The following PLEKHA5 variants were observed in gnomAD, a reference collection of about 807,000 sequenced individuals.
PLEKHA5 encodes the protein pleckstrin homology domain-containing family A member 5.
A neutral mutation model predicts 181.9 loss-of-function variants in PLEKHA5; 55 were observed. The ratio of observed to expected loss-of-function variants is 0.30; its 90% CI spans 0.24 to 0.38. The LOEUF (loss-of-function observed/expected upper bound fraction) is 0.38, where lower values mean the gene tolerates loss of function less well. PLEKHA5 is among the 10% of genes least tolerant of loss of function. PLEKHA5 has a pLI of 1.00. For synonymous variants in PLEKHA5, 535 were observed against 529.4 expected (o/e 1.01, Z -0.15); for missense variants, 1,432 against 1,549.5 (o/e 0.92, Z 1.27).
chr12:19,145,489 T>TA (rs1364059080), intron 3 of PLEKHA5, among the ~76,000 whole-genome samples: 1 of 152,164 alleles, frequency 6.6e-6, no homozygotes, highest in Non-Finnish European at 1.5e-5. Flanking sequence ...CATACTTATA[T>TA]ATACATAAAT....
intron 3 of PLEKHA5, chr12:19,150,619 A>T (rs1415628868): frequency 3.3e-5 from 5 of 152,266 alleles, no homozygotes; most frequent in Non-Finnish European, 7.3e-5. Context: ...GAAATGCTCA[A>T]TAAATATCTG....
chr12:19,276,805 A>T (rs565920629), intron 11 of PLEKHA5, among the ~76,000 whole-genome samples: 1 of 152,232 alleles, frequency 6.6e-6, no homozygotes, highest in African/African-American at 2.4e-5. Context: ...GAGGTAATAC[A>T]TATGTTAATT....
rs2090211243 is a variant in PLEKHA5 at position 19,320,040 on chromosome 12, A to G, written c.2138A>G (p.Lys713Arg). ...LYQQFLRQKS[K>R]ISLYCLSQDE... ...TTTTAGTTCTTAAGACAGAAGAGCA[A>G]GATAAGTCTATATTGTGTATGTGTG... The change falls in exon 17 of 32, where the codon AAG becomes AGG. Residue 713 changes from lysine (K) to arginine (R), a missense_variant. Transcript: ENST00000429027. 1 of 1,259,716 alleles carries G rather than the reference A, an allele frequency of 7.9e-7. No individual in the cohort carries two copies. Among genetic ancestry groups the G allele is most frequent in the Non-Finnish European group, 1.1e-6 (1 of 909,198 alleles). 78.0% of individuals were successfully genotyped at this position (1,259,716 alleles called of 1,614,324 possible). A position where few individuals can be genotyped will look rare whatever the true frequency, so the allele number is the denominator to read the frequency against.
chr12:19,315,384 T>C (rs1029785997), intron 16 of PLEKHA5, among the ~76,000 whole-genome samples: 4 of 152,192 alleles, frequency 2.6e-5, no homozygotes, highest in East Asian at 3.9e-4. Context: ...AACTTAAAGA[T>C]AGCCACTTTT....
At chr12:19,349,913 C>T (rs1849084983) in intron 25 of PLEKHA5, among the ~76,000 whole-genome samples, 1 of 152,028 alleles carries the variant, frequency 6.6e-6, no homozygotes, top group Non-Finnish European at 1.5e-5. Flanking sequence ...GAGGTGGAGA[C>T]CATCCTGGCT....
chr12:19,195,657 A>G (rs2052509862), intron 3 of PLEKHA5, among the ~76,000 whole-genome samples: 1 of 133,170 alleles, frequency 7.5e-6, no homozygotes, highest in Non-Finnish European at 1.6e-5. Context: ...TGGGTGAGAG[A>G]GAGAGACCCT....
At chr12:19,175,605 G>A (rs1470562190) in intron 3 of PLEKHA5, among the ~76,000 whole-genome samples, 1 of 152,202 alleles carries the variant, frequency 6.6e-6, no homozygotes, top group Non-Finnish European at 1.5e-5. Context: ...TGATGTGGAT[G>A]CAGTGGAAGA....
chr12:19,287,335 G>C, intron 12 of PLEKHA5, 138 bp from the exon 13 acceptor site: 1 of 679,102 alleles, frequency 1.5e-6, no homozygotes, highest in Non-Finnish European at 2.7e-6. Flanking sequence ...AGAAATGTTA[G>C]TCTCTATCAT....
intron 3 of PLEKHA5, among the ~76,000 whole-genome samples, chr12:19,143,161 A>G (rs1377283018): frequency 1.3e-5 from 2 of 152,210 alleles, no homozygotes; most frequent in Non-Finnish European, 1.5e-5. Flanking sequence ...ATTGTAGATC[A>G]TATATGGTAG....
At chr12:19,291,071 C>G (rs538746370) in intron 14 of PLEKHA5, among the ~76,000 whole-genome samples, 38 of 152,294 alleles carry the variant, frequency 2.5e-4, no homozygotes, top group African/African-American at 9.1e-4. Flanking sequence ...TACAATACTT[C>G]ATGTACGCAT....
chr12:19,213,649 C>G (rs890014682), intron 3 of PLEKHA5, among the ~76,000 whole-genome samples: 1 of 152,078 alleles, frequency 6.6e-6, no homozygotes, highest in Non-Finnish European at 1.5e-5. Context: ...GCATAGATTC[C>G]TTAATGTTTG....
chr12:19,249,806 GT>G (rs2064782965), intron 3 of PLEKHA5, among the ~76,000 whole-genome samples: 1 of 152,160 alleles, frequency 6.6e-6, no homozygotes, highest in Non-Finnish European at 1.5e-5. Context: ...TTCAGAAACT[GT>G]GCTCTCAACT....
chr12:19,297,628 C>CAAAA (rs934426933), intron 15 of PLEKHA5, among the ~76,000 whole-genome samples: 1 of 63,744 alleles, frequency 1.6e-5, no homozygotes, highest in Non-Finnish European at 3.3e-5. Flanking sequence ...GGCTCCGTCT[C>CAAAA]AAAAAAAAAA....
At chr12:19,260,388 A>G (rs764786641) in intron 6 of PLEKHA5, among the ~76,000 whole-genome samples, 4 of 152,216 alleles carry the variant, frequency 2.6e-5, no homozygotes, top group Non-Finnish European at 4.4e-5. Flanking sequence ...ATTGCTTACA[A>G]ATACGAAGCC....
chr12:19,287,876 C>CAGA (rs1425790076), intron 13 of PLEKHA5, among the ~76,000 whole-genome samples: 3 of 151,910 alleles, frequency 2.0e-5, no homozygotes, highest in Non-Finnish European at 2.9e-5. Context: ...GTCAGGAGTT[C>CAGA]AAGACCAGCC....
intron 3 of PLEKHA5, among the ~76,000 whole-genome samples, chr12:19,163,281 A>T (rs1009373896): frequency 2.6e-5 from 4 of 151,036 alleles, no homozygotes; most frequent in Admixed American, 6.6e-5. Flanking sequence ...GGTTCACGCC[A>T]TTCTCCTGCC....
At chr12:19,342,664 C>G (rs1377340681) in intron 21 of PLEKHA5, among the ~76,000 whole-genome samples, 1 of 152,038 alleles carries the variant, frequency 6.6e-6, no homozygotes, top group Non-Finnish European at 1.5e-5. Context: ...GTAATCCCCA[C>G]TACTGAGGAA....
chr12:19,175,229 G>A (rs1282393591), intron 3 of PLEKHA5, among the ~76,000 whole-genome samples: 2 of 152,104 alleles, frequency 1.3e-5, no homozygotes, highest in Non-Finnish European at 2.9e-5. Flanking sequence ...AATATAAAAT[G>A]CTCATTCATC....
chr12:19,189,335 T>C (rs1223867565), intron 3 of PLEKHA5, among the ~76,000 whole-genome samples: 1 of 152,068 alleles, frequency 6.6e-6, no homozygotes, highest in African/African-American at 2.4e-5. Flanking sequence ...TGAAGAAAGA[T>C]GGTAAATAGA....
Sources: gnomAD v4.1 joint callset for allele counts (sites outside exome capture counted in the v4.1 genomes callset) on GRCh38, gnomAD v4.1.1 for gene constraint, MANE v1.5 for transcripts, NCBI Gene and HGNC (gene_info 2026-07-23, HGNC 2026-07-21) for gene names.